The following FBXL17 variants were observed in gnomAD, a reference collection of about 807,000 sequenced individuals.
FBXL17 encodes the protein F-box and leucine rich repeat protein 17.
Under a neutral mutation model 66.2 loss-of-function variants are expected in FBXL17, and 22 were observed. That is an observed-to-expected ratio of 0.33 (90% CI 0.24 to 0.47). FBXL17 has a LOEUF of 0.47. Ranked by LOEUF, FBXL17 falls within the 20% of genes least tolerant of loss-of-function variation. The pLI, the probability that FBXL17 is intolerant of heterozygous loss-of-function variation, is 1.00. For missense variants in FBXL17, 878 were observed against 948.2 expected (o/e 0.93, Z 0.97); for synonymous variants, 474 against 400.5 (o/e 1.18, Z -2.19).
At chr5:108,043,684 T>A (rs189366074) in intron 6 of FBXL17, among the ~76,000 whole-genome samples, 2 of 152,314 alleles carry the variant, frequency 1.3e-5, no homozygotes, top group Admixed American at 6.5e-5. Flanking sequence ...CACTGTTTTT[T>A]AAAATTGTTT....
intron 4 of FBXL17, among the ~76,000 whole-genome samples, chr5:108,315,963 T>C (rs185838006): frequency 2.6e-4 from 40 of 151,610 alleles, no homozygotes; most frequent in East Asian, 1.5e-3. Context: ...CAAAACATAA[T>C]TGGAGTCTGA....
At position 108,101,666 on chromosome 5, in the gene FBXL17, A is replaced by T. The variant is rs369188659; in HGVS notation, c.1746-80665T>A. 2.6e-5 allele frequency among the ~76,000 whole-genome samples: 4 copies of T among 152,260 alleles called. No individual in the cohort carries two copies. The East Asian group carries it at 5.8e-4, about 22-fold the overall frequency. The stretch of plus-strand genomic sequence containing the variant: ...TGTTTATAATTAGCCATTTTAAAAT[A>T]TACTTTGTGATAGTAATTTCCCAAG... On this transcript the variant is annotated intron_variant, in intron 6 of 8. Transcript: ENST00000542267.
At chr5:108,194,223 T>C (rs1031568696) in intron 5 of FBXL17, among the ~76,000 whole-genome samples, 1 of 152,156 alleles carries the variant, frequency 6.6e-6, no homozygotes, top group African/African-American at 2.4e-5. Context: ...CTACGCTCGG[T>C]GAACTGTGCT....
chr5:108,160,732 T>C (rs778548457), intron 6 of FBXL17, among the ~76,000 whole-genome samples: 73 of 152,126 alleles, frequency 4.8e-4, no homozygotes, highest in Non-Finnish European at 7.5e-4. Flanking sequence ...GAGAAAGGAC[T>C]AGAGAAGAGA....
chr5:108,165,447 A>C (rs1752381387), intron 6 of FBXL17, among the ~76,000 whole-genome samples: 1 of 152,214 alleles, frequency 6.6e-6, no homozygotes, highest in Admixed American at 6.5e-5. Context: ...AAAGGACCAT[A>C]AAAGAAATAC....
At chr5:108,006,516 T>A (rs1290179556) in intron 7 of FBXL17, among the ~76,000 whole-genome samples, 1 of 152,190 alleles carries the variant, frequency 6.6e-6, no homozygotes, top group Non-Finnish European at 1.5e-5. Context: ...TATGACGAAG[T>A]GATAGAAATG....
At chr5:108,301,182 T>C (rs1315372519) in intron 4 of FBXL17, among the ~76,000 whole-genome samples, 5 of 151,808 alleles carry the variant, frequency 3.3e-5, no homozygotes, top group African/African-American at 9.7e-5. Flanking sequence ...CTGCCACTTA[T>C]TAATTCAGTG....
At chr5:108,003,928 CT>C (rs1307822977) in intron 7 of FBXL17, among the ~76,000 whole-genome samples, 1 of 152,078 alleles carries the variant, frequency 6.6e-6, no homozygotes, top group African/African-American at 2.4e-5. Flanking sequence ...AGGTTTGAAA[CT>C]TTCCCCAAAC....
chr5:108,029,497 C>A (rs2112781608), intron 6 of FBXL17, among the ~76,000 whole-genome samples: 1 of 152,132 alleles, frequency 6.6e-6, no homozygotes, highest in South Asian at 2.1e-4. Flanking sequence ...CTTATTTTTC[C>A]CATATAATTG....
chr5:108,172,896 G>T (rs761952249), intron 6 of FBXL17, among the ~76,000 whole-genome samples: 1 of 152,200 alleles, frequency 6.6e-6, no homozygotes, highest in East Asian at 1.9e-4. Flanking sequence ...CACCTCCTGG[G>T]TTCAAGCGAT....
At chr5:108,149,131 A>T (rs968856176) in intron 6 of FBXL17, among the ~76,000 whole-genome samples, 2 of 152,212 alleles carry the variant, frequency 1.3e-5, no homozygotes, top group African/African-American at 2.4e-5. Flanking sequence ...TGAAATGTAC[A>T]CAGTGTCTCT....
At chr5:107,982,831 A>T (rs576685844) in intron 7 of FBXL17, among the ~76,000 whole-genome samples, 1 of 152,280 alleles carries the variant, frequency 6.6e-6, no homozygotes, top group African/African-American at 2.4e-5. Context: ...CATTATAATC[A>T]AGACTTGAGA....
At chr5:107,862,556 T>C (rs80157655) in intron 8 of FBXL17, among the ~76,000 whole-genome samples, 25,287 of 152,108 alleles carry the variant, frequency 0.17, 2,267 homozygotes, top group Middle Eastern at 0.28. Context: ...ATTTTTAAGA[T>C]GATTGCAGTT....
intron 7 of FBXL17, among the ~76,000 whole-genome samples, chr5:107,958,391 A>G (rs978010380): frequency 6.6e-6 from 1 of 152,178 alleles, no homozygotes; most frequent in Non-Finnish European, 1.5e-5. Context: ...AACATGTACT[A>G]TATGGACCTC....
rs1472306117 is a variant in FBXL17 at position 108,051,019 on chromosome 5, T to C, written c.1746-30018A>G. Among the ~76,000 whole-genome samples the C allele has an allele frequency of 2.6e-5, 4 of 152,088 alleles. No individual in the cohort carries two copies. The East Asian group carries it at 7.7e-4, about 29-fold the overall frequency. ...GCATAAATTCTTGGACAGATACACC[T>C]TCCAAAGACTAAACCAAGAAGAAGC... On this transcript the variant is annotated intron_variant, in intron 6 of 8. Transcript: ENST00000542267.
At chr5:108,337,498 C>G (rs73216318) in intron 4 of FBXL17, among the ~76,000 whole-genome samples, 2 of 151,856 alleles carry the variant, frequency 1.3e-5, no homozygotes, top group East Asian at 3.9e-4. Context: ...GAGACATTAC[C>G]GAACTAAAAC....
intron 4 of FBXL17, chr5:108,298,469 T>G: frequency 2.1e-6 from 2 of 971,010 alleles, no homozygotes; most frequent in Non-Finnish European, 2.4e-6. Flanking sequence ...TAAATTTTAC[T>G]GAAAGCATCT....
intron 6 of FBXL17, among the ~76,000 whole-genome samples, chr5:108,151,575 A>AG (rs1221535720): frequency 6.6e-6 from 1 of 152,236 alleles, no homozygotes. Flanking sequence ...GGCAGAGCAC[A>AG]GCCATCTGTA....
At position 107,963,025 on chromosome 5, in the gene FBXL17, T is replaced by C. The variant is rs148713244; in HGVS notation, c.1822+57900A>G. ...GAAACTGAAAATTATATGTTCCCAG[T>C]GAAGGAAAAAAACACTTAAAATATT... is the stretch of plus-strand genomic sequence containing the variant. On this transcript the variant is annotated intron_variant, in intron 7 of 8. Coordinates refer to ENST00000542267, the MANE Select transcript of FBXL17 (RefSeq NM_001163315.3). 5.9e-5 allele frequency among the ~76,000 whole-genome samples: 9 copies of C among 152,214 alleles called. No individual in the cohort carries two copies. The East Asian group carries it at 1.7e-3, about 29-fold the overall frequency.
Sources: gnomAD v4.1 joint callset for allele counts (sites outside exome capture counted in the v4.1 genomes callset) on GRCh38, gnomAD v4.1.1 for gene constraint, MANE v1.5 for transcripts, NCBI Gene and HGNC (gene_info 2026-07-23, HGNC 2026-07-21) for gene names.